ALG14: variants seen among roughly 807,000 people sequenced by gnomAD.
ALG14 encodes UDP-N-acetylglucosamine transferase subunit ALG14.
Under a neutral mutation model 22.8 loss-of-function variants are expected in ALG14, and 17 were observed. That is an observed-to-expected ratio of 0.75 (90% CI 0.51 to 1.12). The LOEUF (loss-of-function observed/expected upper bound fraction) is 1.12, where lower values mean the gene tolerates loss of function less well. Among genes scored for constraint, ALG14 ranks in the 50% most tolerant of loss-of-function variants. ALG14 has a pLI of 0.00. For synonymous variants in ALG14, 89 were observed against 103.7 expected (o/e 0.86, Z 0.86); for missense variants, 288 against 271.8 (o/e 1.06, Z -0.42).
chr1:95,010,147 A>G (rs538677351), intron 3 of ALG14, among the ~76,000 whole-genome samples: 2 of 152,288 alleles, frequency 1.3e-5, no homozygotes, highest in East Asian at 1.9e-4. Flanking sequence ...ATGTCCCCTC[A>G]TTGTCATACT....
chr1:95,066,264 C>T (rs1285908089), intron 1 of ALG14, among the ~76,000 whole-genome samples: 3 of 152,146 alleles, frequency 2.0e-5, no homozygotes. Context: ...ACGCTTGTTG[C>T]CCAGGCTGGA....
intron 2 of ALG14, among the ~76,000 whole-genome samples, chr1:95,034,871 T>C (rs1674132442): frequency 6.6e-6 from 1 of 152,152 alleles, no homozygotes; most frequent in Admixed American, 6.5e-5. Flanking sequence ...TCTCTTTCCC[T>C]GCCTCTACAG....
intron 2 of ALG14, among the ~76,000 whole-genome samples, chr1:95,047,352 A>T (rs1411447087): frequency 6.6e-5 from 10 of 151,140 alleles, no homozygotes; most frequent in Admixed American, 6.6e-4. Context: ...ATATTTATTT[A>T]TTTTTTTTTA....
intron 2 of ALG14, among the ~76,000 whole-genome samples, chr1:95,052,888 G>C (rs1385626582): frequency 2.0e-5 from 3 of 146,970 alleles, no homozygotes; most frequent in African/African-American, 7.5e-5. Flanking sequence ...TAATGTCTAA[G>C]AGAATAGTAT....
intron 3 of ALG14, among the ~76,000 whole-genome samples, chr1:95,018,032 G>T (rs1372865589): frequency 6.6e-6 from 1 of 152,132 alleles, no homozygotes; most frequent in African/African-American, 2.4e-5. Context: ...AGTCAGAGAA[G>T]CTAACTGATT....
At chr1:95,066,452 G>A (rs1243724074) in intron 1 of ALG14, among the ~76,000 whole-genome samples, 1 of 152,142 alleles carries the variant, frequency 6.6e-6, no homozygotes, top group Non-Finnish European at 1.5e-5. Context: ...TTGAACTCCT[G>A]ACCTCAGGTG....
chr1:94,988,261 T>C (rs1293646005), intron 3 of ALG14, among the ~76,000 whole-genome samples: 1 of 152,212 alleles, frequency 6.6e-6, no homozygotes, highest in Non-Finnish European at 1.5e-5. Flanking sequence ...AGCTTGGCTG[T>C]AAAGCTGAAC....
intron 2 of ALG14, among the ~76,000 whole-genome samples, chr1:95,057,673 A>G (rs1290514341): frequency 6.6e-6 from 1 of 151,206 alleles, no homozygotes; most frequent in Non-Finnish European, 1.5e-5. Flanking sequence ...TATGACCTAT[A>G]TATAATATGA....
intron 3 of ALG14, among the ~76,000 whole-genome samples, chr1:95,003,631 T>A (rs1279358013): frequency 6.6e-6 from 1 of 151,970 alleles, no homozygotes; most frequent in Non-Finnish European, 1.5e-5. Flanking sequence ...TAAAAATTTT[T>A]AAATATTTTG....
At chr1:95,063,533 C>T (rs112201354) in intron 2 of ALG14, among the ~76,000 whole-genome samples, 23 of 151,844 alleles carry the variant, frequency 1.5e-4, no homozygotes, top group African/African-American at 5.1e-4. Flanking sequence ...CAACTCCTTG[C>T]AAAATAGAAA....
chr1:95,069,537 T>G (rs568107937), intron 1 of ALG14, among the ~76,000 whole-genome samples: 267 of 152,332 alleles, frequency 1.8e-3, no homozygotes, highest in Non-Finnish European at 2.9e-3. Context: ...TGTTATACAT[T>G]AACCAGATTC....
At position 95,027,081 on chromosome 1, in the gene ALG14, GATC is replaced by G. The variant is rs776553627; in HGVS notation, c.420+45_420+47del. On this transcript the variant is annotated intron_variant, in intron 3 of 3. Transcript: ENST00000370205. ...ACAGTATGTCCTGTTACTAACGAAA[GATC>G]TACAGGGAGTTACTTTCTCTCTCCT... The G allele has an allele frequency of 8.1e-6, 13 of 1,604,222 alleles. No homozygotes were observed. In the South Asian group the frequency reaches 1.3e-4, roughly 16 times the overall value.
At position 94,979,777 on chromosome 1, in the gene ALG14, T is replaced by C. The variant is rs1672464775; in HGVS notation, c.*3299A>G. Reference sequence around the variant, plus strand: ...AAAAGGAGGAGCTATGTCAAATTCATGTTTAAAATGAGTGGGCAGCAGGAA... The same window carrying C: ...AAAAGGAGGAGCTATGTCAAATTCACGTTTAAAATGAGTGGGCAGCAGGAA... On this transcript the variant is annotated 3_prime_UTR_variant, in exon 4 of 4. Coordinates refer to ENST00000370205, the MANE Select transcript of ALG14 (RefSeq NM_144988.4). 1 of 152,228 alleles carries C rather than the reference T, an allele frequency of 6.6e-6. No individual in the cohort carries two copies. 9.4% of individuals were successfully genotyped at this position (152,228 alleles called of 1,614,324 possible).
intron 3 of ALG14, among the ~76,000 whole-genome samples, chr1:95,016,783 T>C (rs1181069009): frequency 1.3e-5 from 2 of 152,128 alleles, no homozygotes; most frequent in African/African-American, 2.4e-5. Flanking sequence ...AGAAAAAGGC[T>C]TGAAGGCTGC....
intron 2 of ALG14, among the ~76,000 whole-genome samples, chr1:95,028,157 G>T (rs551910497): frequency 3.3e-5 from 5 of 151,272 alleles, no homozygotes; most frequent in African/African-American, 4.8e-5. Flanking sequence ...TGTTAGTTTG[G>T]TTTTTTTTTG....
In ALG14 at chr1:94,979,490, A is replaced by G. The variant is rs1255283366; in HGVS notation, c.*3586T>C. 1 of 151,774 alleles carries G rather than the reference A, an allele frequency of 6.6e-6. No individual in the cohort carries two copies. The highest frequency in any genetic ancestry group is 1.5e-5 in the Non-Finnish European group (1 of 67,928). The allele number at this position is 151,774 out of a possible 1,614,324, so 9.4% of individuals were successfully genotyped here. A position where few individuals can be genotyped will look rare whatever the true frequency, so the allele number is the denominator to read the frequency against. On this transcript the variant is annotated 3_prime_UTR_variant, in exon 4 of 4. Coordinates refer to ENST00000370205, the MANE Select transcript of ALG14 (RefSeq NM_144988.4). Reference sequence around the variant, plus strand: ...TGTTGAAGAGCTGGCTTAGGTTGTAACTATGGGACTGAAAAGGAAAGGGTA... The same window carrying G: ...TGTTGAAGAGCTGGCTTAGGTTGTAGCTATGGGACTGAAAAGGAAAGGGTA...
At chr1:95,047,874 G>T (rs559754152) in intron 2 of ALG14, among the ~76,000 whole-genome samples, 1 of 152,136 alleles carries the variant, frequency 6.6e-6, no homozygotes, top group Non-Finnish European at 1.5e-5. Flanking sequence ...TACTTGGGAA[G>T]CTGAGGCAGG....
intron 3 of ALG14, among the ~76,000 whole-genome samples, chr1:95,021,045 A>C (rs1673647304): frequency 6.6e-6 from 1 of 152,242 alleles, no homozygotes; most frequent in Admixed American, 6.5e-5. Flanking sequence ...TTAACACTTT[A>C]GAAACATGTT....
rs1672540486 is a variant in ALG14, at chr1:94,983,159, G to A, written c.568C>T (p.His190Tyr). The change falls in exon 4 of 4, where the codon CAT becomes TAT. Residue 190 changes from histidine (H) to tyrosine (Y), a missense_variant. His to Tyr is a moderately conservative substitution (Grantham distance 83, BLOSUM62 2). Transcript: ENST00000370205. Reference protein sequence around the residue: ...TLSMSGKILFHLSDYFIVQWP... With the variant: ...TLSMSGKILFYLSDYFIVQWP... ...TGAACAATGAAGTAATCTGAGAGATGAAACAGAATCTTTCCGGACATGGAT... is the reference window on the plus strand; with the variant it reads ...TGAACAATGAAGTAATCTGAGAGATAAAACAGAATCTTTCCGGACATGGAT... The A allele has an allele frequency of 1.2e-6, 2 of 1,614,136 alleles. No individual in the cohort carries two copies.
Sources: gnomAD v4.1 joint callset for allele counts (sites outside exome capture counted in the v4.1 genomes callset) on GRCh38, gnomAD v4.1.1 for gene constraint, MANE v1.5 for transcripts, NCBI Gene and HGNC (gene_info 2026-07-23, HGNC 2026-07-21) for gene names.